The following RASA3 variants were observed in gnomAD, a reference collection of about 807,000 sequenced individuals.
RASA3 encodes the protein RAS p21 protein activator 3, also known as ras GTPase-activating protein 3.
RASA3 carries 73 observed loss-of-function variants against 110.0 expected under a neutral mutation model. The ratio of observed to expected loss-of-function variants is 0.66; its 90% confidence interval spans 0.55 to 0.81. RASA3 has a LOEUF of 0.81. Among genes scored for constraint, RASA3 ranks in the 30% least tolerant of loss-of-function variants. RASA3 has a pLI of 0.00. For missense variants in RASA3, 976 were observed against 1,113.2 expected (o/e 0.88, Z 1.75); for synonymous variants, 500 against 451.4 (o/e 1.11, Z -1.37).
chr13:114,067,017 G>A (rs1157498436), intron 2 of RASA3, among the ~76,000 whole-genome samples: 2 of 148,860 alleles, frequency 1.3e-5, no homozygotes, highest in East Asian at 2.0e-4. Context: ...CTGGGCTGAG[G>A]ACGGGCCCCC....
intron 18 of RASA3, among the ~76,000 whole-genome samples, chr13:114,003,010 G>A (rs1028232511): frequency 6.6e-6 from 1 of 152,198 alleles, no homozygotes; most frequent in Non-Finnish European, 1.5e-5. Context: ...AGCACAGGGT[G>A]AGCCCTCAGG....
rs867674935 is a variant in RASA3, at chr13:114,057,045, C to T, written c.174-4890G>A. ...CCTCCTGAAGAAGGGGAACGTCACACTCACAGTTCCATTTTACACATTTGC... is the reference window on the plus strand; with the variant it reads ...CCTCCTGAAGAAGGGGAACGTCACATTCACAGTTCCATTTTACACATTTGC... On this transcript the variant is annotated intron_variant, in intron 2 of 23. Transcript: ENST00000334062. This position sits in a 1 kb window ranked among gnomAD's most constrained non-coding sequence, Gnocchi z 5.0. Among the ~76,000 whole-genome samples, 1 of 152,306 alleles carries T rather than the reference C, an allele frequency of 6.6e-6. No homozygotes were observed. Among genetic ancestry groups the T allele is most frequent in the South Asian group, 2.1e-4 (1 of 4,830 alleles).
chr13:114,066,571 G>A (rs114486157), intron 2 of RASA3, among the ~76,000 whole-genome samples: 1,855 of 152,348 alleles, frequency 0.012, 28 homozygotes, highest in African/African-American at 0.043. Flanking sequence ...ACAGGCGGCC[G>A]ATGAGTCCCT....
chr13:114,097,733 G>A (rs1453380197), intron 1 of RASA3, among the ~76,000 whole-genome samples: 2 of 152,372 alleles, frequency 1.3e-5, no homozygotes, highest in African/African-American at 2.4e-5. Context: ...GGATGCAGAC[G>A]CTGAGACGGG....
chr13:114,088,073 G>A (rs773458507), intron 1 of RASA3, among the ~76,000 whole-genome samples: 3 of 152,158 alleles, frequency 2.0e-5, no homozygotes, highest in Non-Finnish European at 4.4e-5. Context: ...GGAGGTTGCA[G>A]TGAGCCATGA....
At chr13:114,030,289 A>G (rs1481236420) in intron 4 of RASA3, among the ~76,000 whole-genome samples, 1 of 152,342 alleles carries the variant, frequency 6.6e-6, no homozygotes, top group African/African-American at 2.4e-5. Context: ...AGCAGGGGCC[A>G]CTGCCTTTAC....
intron 4 of RASA3, among the ~76,000 whole-genome samples, chr13:114,030,308 G>A (rs2054123565): frequency 6.6e-6 from 1 of 152,090 alleles, no homozygotes; most frequent in East Asian, 1.9e-4. Context: ...ACCTCCCCTC[G>A]GGCGAGGCCG....
At position 113,979,086 on chromosome 13, in the gene RASA3, C is replaced by T. The variant is rs907629332; in HGVS notation, c.*261G>A. On this transcript the variant is annotated 3_prime_UTR_variant, in exon 24 of 24. Transcript: ENST00000334062. ...ACACTTCCTGATCCTTCAGCTGATCCCCAGATCCCCACAAACAAGGAGCAA... is the reference window on the plus strand; with the variant it reads ...ACACTTCCTGATCCTTCAGCTGATCTCCAGATCCCCACAAACAAGGAGCAA... 2.0e-6 allele frequency: 1 copy of T among 508,356 alleles called. No individual in the cohort carries two copies. The highest frequency in any genetic ancestry group is 1.9e-5 in the African/African-American group (1 of 51,940). 31.5% of individuals were successfully genotyped at this position (508,356 alleles called of 1,614,324 possible).
chr13:113,980,437 ACCT>A (rs1246550585), intron 23 of RASA3, among the ~76,000 whole-genome samples: 7 of 84,432 alleles, frequency 8.3e-5, no homozygotes, highest in Admixed American at 4.2e-4. Context: ...CCGTGTGTGC[ACCT>A]CCTGCCATGT....
rs1267994910 is a variant in RASA3, at chr13:114,000,848, T to G, written c.1827A>C (p.Glu609Asp). 1 of 1,612,664 alleles carries G rather than the reference T, an allele frequency of 6.2e-7. No homozygotes were observed. The highest frequency in any genetic ancestry group is 2.2e-5 in the East Asian group (1 of 44,862). Reference protein sequence around the residue: ...KKRWFRLTNHEFTYHKSKGDQ... With the variant: ...KKRWFRLTNHDFTYHKSKGDQ... ...TACCTTTGCTTTTGTGGTAGGTAAATTCATGGTTGGTCAAGCGAAACCATC... is the reference window on the plus strand; with the variant it reads ...TACCTTTGCTTTTGTGGTAGGTAAAGTCATGGTTGGTCAAGCGAAACCATC... Residue 609 changes from glutamate (E) to aspartate (D), a missense_variant, in exon 19 of 24, where the codon GAA becomes GAC. Transcript: ENST00000334062.
intron 1 of RASA3, among the ~76,000 whole-genome samples, chr13:114,110,239 C>G (rs1222852702): frequency 6.6e-6 from 1 of 152,178 alleles, no homozygotes; most frequent in Non-Finnish European, 1.5e-5. Flanking sequence ...GAAGCTGGAC[C>G]CCTGCTCTGG....
At chr13:114,116,365 A>C (rs528435246) in intron 1 of RASA3, among the ~76,000 whole-genome samples, 198 of 152,126 alleles carry the variant, frequency 1.3e-3, no homozygotes, top group African/African-American at 4.3e-3. Flanking sequence ...CCTCCCTATG[A>C]ATGCTTTTTC....
intron 1 of RASA3, among the ~76,000 whole-genome samples, chr13:114,104,380 C>T (rs1184137691): frequency 3.9e-5 from 6 of 152,090 alleles, no homozygotes; most frequent in African/African-American, 1.2e-4. Context: ...GCCCCAGCCA[C>T]AGACACCCAC....
At chr13:114,046,412 G>A (rs565055878) in intron 3 of RASA3, among the ~76,000 whole-genome samples, 50 of 152,366 alleles carry the variant, frequency 3.3e-4, no homozygotes, top group Admixed American at 1.4e-3. Flanking sequence ...AGTCTCAGCC[G>A]TTCCTGCAGA....
chr13:114,078,008 A>AC (rs2079722086), intron 1 of RASA3: 2 of 956,236 alleles, frequency 2.1e-6, no homozygotes, highest in Admixed American at 6.3e-5. Flanking sequence ...AAAAAAAAAA[A>AC]CTCCTGAGAA....
In RASA3 at chr13:114,029,619, G is replaced by A. The variant is rs542498980; in HGVS notation, c.449+192C>T. ...TCCTGGGGGCCAGGACCTCTAAAAT[G>A]GCGTCATCCTGGTGGGCCAGGACCC... On this transcript the variant is annotated intron_variant, in intron 5 of 23. Coordinates refer to ENST00000334062, the MANE Select transcript of RASA3 (RefSeq NM_007368.4). 3.0e-3 allele frequency among the ~76,000 whole-genome samples: 203 copies of A among 67,480 alleles called. 48 individuals carry two copies. In the East Asian group the frequency reaches 0.032, roughly 11 times the overall value. The allele number at this position is 67,480 out of a possible 152,430, so 44.3% of individuals were successfully genotyped here. A position where few individuals can be genotyped will look rare whatever the true frequency, so the allele number is the denominator to read the frequency against.
In RASA3 at chr13:114,015,200, G is replaced by C; in HGVS notation, c.1405+9C>G. On this transcript the variant is annotated intron_variant, in intron 14 of 23. Transcript: ENST00000334062. The stretch of plus-strand genomic sequence containing the variant: ...TTCTCAGCAACATGAGGGTGTTCAG[G>C]GCACTCACCCTGGAAGCGCTTGGCC... The C allele has an allele frequency of 6.2e-7, 1 of 1,612,746 alleles. No individual in the cohort carries two copies. The highest frequency in any genetic ancestry group is 8.5e-7 in the Non-Finnish European group (1 of 1,179,922).
At chr13:114,059,128 G>A (rs370683412) in intron 2 of RASA3, among the ~76,000 whole-genome samples, 218 of 152,294 alleles carry the variant, frequency 1.4e-3, no homozygotes, top group Non-Finnish European at 2.3e-3. Flanking sequence ...AGTGAGCTGT[G>A]ATCACAGCAC....
At chr13:113,980,214 G>C (rs2052892048) in intron 23 of RASA3, among the ~76,000 whole-genome samples, 1 of 123,608 alleles carries the variant, frequency 8.1e-6, no homozygotes, top group Non-Finnish European at 1.7e-5. Flanking sequence ...CCTCCCATGT[G>C]TGTGCACCTC....
Sources: gnomAD v4.1 joint callset for allele counts (sites outside exome capture counted in the v4.1 genomes callset) on GRCh38, gnomAD v4.1.1 for gene constraint, Gnocchi (gnomAD v3.1) non-coding constraint, MANE v1.5 for transcripts, NCBI Gene and HGNC (gene_info 2026-07-23, HGNC 2026-07-21) for gene names.